Variants in ZC3H6 observed in about 807,000 individuals in gnomAD.
ZC3H6 encodes zinc finger CCCH-type containing 6.
A neutral mutation model predicts 107.7 loss-of-function variants in ZC3H6; 40 were observed. The ratio of observed to expected loss-of-function variants is 0.37; its 90% CI spans 0.29 to 0.48. The LOEUF (loss-of-function observed/expected upper bound fraction) is 0.48. Ranked by LOEUF, ZC3H6 falls within the 20% of genes least tolerant of loss-of-function variation. The probability of loss-of-function intolerance (pLI) is 0.98; values close to 1 mark genes in which losing one functional copy is unlikely to be tolerated. For missense variants in ZC3H6, 1,267 were observed against 1,410.4 expected (o/e 0.90, Z 1.63); for synonymous variants, 493 against 487.9 (o/e 1.01, Z -0.14).
At chr2:112,298,791 A>T (rs180721469) in intron 1 of ZC3H6, among the ~76,000 whole-genome samples, 23 of 152,346 alleles carry the variant, frequency 1.5e-4, no homozygotes, top group Non-Finnish European at 2.6e-4. Context: ...ATGTAAGCAC[A>T]GGAAAGGGAA....
intron 8 of ZC3H6, among the ~76,000 whole-genome samples, chr2:112,322,379 A>G (rs909681759): frequency 4.7e-5 from 7 of 150,034 alleles, no homozygotes; most frequent in Admixed American, 3.3e-4. Context: ...TCCCACCTCA[A>G]CCTTCTGAGG....
At chr2:112,324,094 A>C in intron 9 of ZC3H6, 58 bp from the exon 10 acceptor site, 1 of 1,497,268 alleles carries the variant, frequency 6.7e-7, no homozygotes, top group Non-Finnish European at 9.0e-7. Flanking sequence ...AGAAGTGTTA[A>C]CATTCTTGTT....
At chr2:112,280,200 T>C (rs1558944074) in intron 1 of ZC3H6, among the ~76,000 whole-genome samples, 1 of 152,222 alleles carries the variant, frequency 6.6e-6, no homozygotes, top group Non-Finnish European at 1.5e-5. Context: ...CTCCACACAA[T>C]ATCTGGTTTG....
intron 1 of ZC3H6, among the ~76,000 whole-genome samples, chr2:112,290,953 C>CATT (rs1676101627): frequency 2.0e-5 from 3 of 151,860 alleles, no homozygotes; most frequent in African/African-American, 7.3e-5. Context: ...CAGGTAATAT[C>CATT]ATCAGGACCC....
Position 112,331,566 on chromosome 2 carries a change from A to T in ZC3H6, c.2648A>T (p.Asp883Val). ...AAACACATCGTGTGGGCTCCCGAAGACTTACTTCCAGTACCTTTACCTAAA... is the reference window on the plus strand; with the variant it reads ...AAACACATCGTGTGGGCTCCCGAAGTCTTACTTCCAGTACCTTTACCTAAA... ...FAKHIVWAPEDLLPVPLPKPD... is the reference protein window; with the variant it reads ...FAKHIVWAPEVLLPVPLPKPD... Residue 883 changes from aspartate to valine, a missense_variant, in exon 12 of 12, where the codon GAC becomes GTC. Around this residue, in one of 3 missense-constraint regions of ZC3H6, gnomAD observed 925 missense variants for 1,025.7 expected, o/e 0.90. Transcript: ENST00000409871. 3 of 1,613,998 alleles carry T rather than the reference A, an allele frequency of 1.9e-6. No homozygotes were observed. The highest frequency in any genetic ancestry group is 2.5e-6 in the Non-Finnish European group (3 of 1,179,886).
intron 1 of ZC3H6, among the ~76,000 whole-genome samples, chr2:112,297,276 A>G (rs1293904239): frequency 6.6e-6 from 1 of 152,228 alleles, no homozygotes; most frequent in Non-Finnish European, 1.5e-5. Context: ...TTTGAGATAT[A>G]TCATATCATA....
At chr2:112,298,579 G>A (rs907066630) in intron 1 of ZC3H6, among the ~76,000 whole-genome samples, 2 of 152,170 alleles carry the variant, frequency 1.3e-5, no homozygotes, top group African/African-American at 4.8e-5. Flanking sequence ...CCCATATCAA[G>A]AATAAAATTC....
chr2:112,297,795 G>T (rs79887141), intron 1 of ZC3H6, among the ~76,000 whole-genome samples: 5,790 of 152,142 alleles, frequency 0.038, 273 homozygotes, highest in African/African-American at 0.11. Context: ...TTGTTTGTTT[G>T]TTTACTTAGT....
chr2:112,320,632 T>A (rs902455551), intron 7 of ZC3H6, among the ~76,000 whole-genome samples: 1 of 152,172 alleles, frequency 6.6e-6, no homozygotes, highest in Non-Finnish European at 1.5e-5. Context: ...AAAAATAAAT[T>A]TTTTCAGATT....
rs2104731158 is a variant in ZC3H6 at position 112,335,524 on chromosome 2, T to C, written c.*3036T>C. On this transcript the variant is annotated 3_prime_UTR_variant, in exon 12 of 12. Coordinates refer to ENST00000409871, the MANE Select transcript of ZC3H6 (RefSeq NM_198581.3). ...GATTTCTGTGTAATTTATATCAGTA[T>C]CTAGTTGCTTATCTGTGAAATTGGG... 1 of 152,248 alleles carries C rather than the reference T, an allele frequency of 6.6e-6. No homozygotes were observed. The highest frequency in any genetic ancestry group is 1.9e-4 in the East Asian group (1 of 5,194). The allele number at this position is 152,248 out of a possible 1,614,324, so 9.4% of individuals were successfully genotyped here. A position where few individuals can be genotyped will look rare whatever the true frequency, so the allele number is the denominator to read the frequency against.
rs755544688 is a variant in ZC3H6 at position 112,310,013 on chromosome 2, C to T, written c.465C>T (p.Asn155=). The T allele has an allele frequency of 1.1e-5, 18 of 1,613,468 alleles. No individual in the cohort carries two copies. Among genetic ancestry groups the T allele is most frequent in the Non-Finnish European group, 1.4e-5 (16 of 1,179,778 alleles). Residue 155 remains asparagine (N), a synonymous_variant, in exon 4 of 12, where the codon AAC becomes AAT. Coordinates refer to ENST00000409871, the MANE Select transcript of ZC3H6 (RefSeq NM_198581.3). ...ACTTCGGTAACTACAGTGATGACAA[C>T]TTTGGTAACTACGGTCAGGAAACAG... ...DDNFGNYSDD[N]FGNYGQETEE...
At chr2:112,309,173 T>C (rs548002880) in intron 3 of ZC3H6, among the ~76,000 whole-genome samples, 21 of 152,304 alleles carry the variant, frequency 1.4e-4, no homozygotes, top group African/African-American at 5.1e-4. Context: ...TAAAAAAAAT[T>C]GACAGAGGAT....
rs183510768 is a variant in ZC3H6, at chr2:112,299,839, C to T, written c.33-10C>T. 16 of 1,369,218 alleles carry T rather than the reference C, an allele frequency of 1.2e-5. No individual in the cohort carries two copies. The highest frequency in any genetic ancestry group is 3.8e-4 in the Middle Eastern group (2 of 5,280). 84.8% of individuals were successfully genotyped at this position (1,369,218 alleles called of 1,614,324 possible). A position where few individuals can be genotyped will look rare whatever the true frequency, so the allele number is the denominator to read the frequency against. On this transcript the variant is annotated splice_polypyrimidine_tract_variant and intron_variant, in intron 1 of 11. Transcript: ENST00000409871. ...AATGATATTTGAAAATTAAAATTTT[C>T]CTTCTATAGAGAAGATGGCGAATTA...
At chr2:112,303,088 AT>A (rs2104707322) in intron 2 of ZC3H6, 140 bp from the exon 3 acceptor site, 2 of 1,079,516 alleles carry the variant, frequency 1.9e-6, no homozygotes, top group South Asian at 1.9e-5. Context: ...TGGGGCAAGA[AT>A]TTTTCAGTAG....
intron 1 of ZC3H6, among the ~76,000 whole-genome samples, chr2:112,287,944 G>A (rs1340061890): frequency 6.6e-6 from 1 of 152,220 alleles, no homozygotes; most frequent in Non-Finnish European, 1.5e-5. Flanking sequence ...TAAAATACAT[G>A]GCATGCCTTT....
At chr2:112,321,654 A>G (rs1176518427) in intron 7 of ZC3H6, 102 bp from the exon 8 acceptor site, 3 of 593,574 alleles carry the variant, frequency 5.1e-6, no homozygotes, top group African/African-American at 3.8e-5. Flanking sequence ...TACATAGCAG[A>G]TCTCTAGAAC....
At chr2:112,289,413 C>T in intron 1 of ZC3H6, among the ~76,000 whole-genome samples, 1 of 151,548 alleles carries the variant, frequency 6.6e-6, no homozygotes, top group Non-Finnish European at 1.5e-5. Flanking sequence ...CAAGCTCCGC[C>T]TCCTGGTTTC....
At position 112,334,643 on chromosome 2, in the gene ZC3H6, A is replaced by G. The variant is rs1677105959; in HGVS notation, c.*2155A>G. On this transcript the variant is annotated 3_prime_UTR_variant, in exon 12 of 12. Transcript: ENST00000409871. ...TTTGAACTTAGTTTCAAATTTGACA[A>G]TATATTTTATATGAAAATGTTTATG... The G allele has an allele frequency of 1.3e-5, 2 of 152,656 alleles. No individual in the cohort carries two copies. Among genetic ancestry groups the G allele is most frequent in the African/African-American group, 4.8e-5 (2 of 41,560 alleles). 9.5% of individuals were successfully genotyped at this position (152,656 alleles called of 1,614,324 possible). A position where few individuals can be genotyped will look rare whatever the true frequency, so the allele number is the denominator to read the frequency against.
chr2:112,280,210 G>A (rs1275131083), intron 1 of ZC3H6, among the ~76,000 whole-genome samples: 1 of 152,136 alleles, frequency 6.6e-6, no homozygotes, highest in African/African-American at 2.4e-5. Flanking sequence ...TATCTGGTTT[G>A]TAAATTAGTA....
Sources: gnomAD v4.1 joint callset for allele counts (sites outside exome capture counted in the v4.1 genomes callset) on GRCh38, gnomAD v4.1.1 for gene constraint, gnomAD v4.1.1 regional missense constraint, MANE v1.5 for transcripts, NCBI Gene and HGNC (gene_info 2026-07-23, HGNC 2026-07-21) for gene names.